CDH13: variants seen among roughly 807,000 people sequenced by gnomAD.
The protein encoded by CDH13 is cadherin 13, also known as cadherin-13.
Under a neutral mutation model 63.8 loss-of-function variants are expected in CDH13, and 24 were observed. The observed-to-expected ratio is 0.38, with a 90% confidence interval of 0.27 to 0.53. The LOEUF is 0.53. CDH13 is among the 20% of genes least tolerant of loss of function. The probability of loss-of-function intolerance (pLI) is 0.85; values close to 1 mark genes in which losing one functional copy is unlikely to be tolerated. For synonymous variants in CDH13, 503 were observed against 355.3 expected (o/e 1.42, Z -4.67); for missense variants, 1,049 against 903.1 (o/e 1.16, Z -2.07).
chr16:82,660,029 T>A (rs777156275), intron 1 of CDH13, among the ~76,000 whole-genome samples: 3 of 152,118 alleles, frequency 2.0e-5, no homozygotes, highest in Non-Finnish European at 2.9e-5. Context: ...AAAATGGAAA[T>A]GAGCTAATTT....
At chr16:83,271,529 C>CAA (rs369596889) in intron 5 of CDH13, among the ~76,000 whole-genome samples, 3 of 108,632 alleles carry the variant, frequency 2.8e-5, no homozygotes, top group African/African-American at 9.7e-5. Flanking sequence ...ACAACAACAA[C>CAA]AAAAAAAAAC....
intron 2 of CDH13, among the ~76,000 whole-genome samples, chr16:82,959,749 A>T (rs1358820309): frequency 2.6e-5 from 4 of 152,222 alleles, no homozygotes; most frequent in African/African-American, 9.6e-5. Context: ...TATATCTCCG[A>T]GTAGTACTGC....
intron 1 of CDH13, among the ~76,000 whole-genome samples, chr16:82,809,824 T>C (rs1311213765): frequency 6.6e-6 from 1 of 152,094 alleles, no homozygotes; most frequent in Admixed American, 6.5e-5. Context: ...TTAACAAAAA[T>C]AATTCTTTCT....
intron 7 of CDH13, among the ~76,000 whole-genome samples, chr16:83,527,468 A>G (rs1344376882): frequency 6.6e-6 from 1 of 152,170 alleles, no homozygotes; most frequent in Non-Finnish European, 1.5e-5. Context: ...AAAATTAAAA[A>G]TTAAGAATGG....
Position 82,742,808 on chromosome 16 carries a change from A to C in CDH13, c.46-115554A>C, listed in dbSNP as rs2033992623. On this transcript the variant is annotated intron_variant, in intron 1 of 13. Coordinates refer to ENST00000567109, the MANE Select transcript of CDH13 (RefSeq NM_001257.5). ...TATTTTAAAATAGAAACTATCCATC[A>C]TGTACTGAGTAAAGCTGGTGGCAAC... Among the ~76,000 whole-genome samples, 2 of 152,240 alleles carry C rather than the reference A, an allele frequency of 1.3e-5. 1 individual carries two copies. Among genetic ancestry groups the C allele is most frequent in the South Asian group, 4.1e-4 (2 of 4,836 alleles).
chr16:83,319,846 G>C (rs2090183708), intron 5 of CDH13, among the ~76,000 whole-genome samples: 2 of 152,170 alleles, frequency 1.3e-5, no homozygotes, highest in Admixed American at 6.5e-5. Flanking sequence ...GGGGATAAGT[G>C]AACAGCTCAC....
chr16:83,383,672 A>T (rs542048449), intron 6 of CDH13, among the ~76,000 whole-genome samples: 2 of 152,284 alleles, frequency 1.3e-5, no homozygotes, highest in Non-Finnish European at 2.9e-5. Flanking sequence ...TGCTGTGCTT[A>T]AATTGTGTCA....
chr16:83,406,696 C>G (rs1255482756), intron 6 of CDH13, among the ~76,000 whole-genome samples: 1 of 152,120 alleles, frequency 6.6e-6, no homozygotes, highest in Non-Finnish European at 1.5e-5. Flanking sequence ...GAACTCCTGA[C>G]CTCAGGTGAT....
At chr16:83,076,635 TCA>T (rs150845731) in intron 3 of CDH13, among the ~76,000 whole-genome samples, 83 of 149,840 alleles carry the variant, frequency 5.5e-4, no homozygotes, top group African/African-American at 1.7e-3. Context: ...AATATACACA[TCA>T]CACACACACA....
chr16:83,379,518 A>T lies in CDH13; in HGVS notation c.781+34512A>T, dbSNP rs1055777514. ...TTGGTGAGGTTGATCAACCAGTTAT[A>T]TATTTACCTAAGAGTTTGATCACTC... On this transcript the variant is annotated intron_variant, in intron 6 of 13. Transcript: ENST00000567109. 3.3e-5 allele frequency among the ~76,000 whole-genome samples: 5 copies of T among 152,204 alleles called. No individual in the cohort carries two copies. In the South Asian group the frequency reaches 1.0e-3, roughly 32 times the overall value.
intron 3 of CDH13, among the ~76,000 whole-genome samples, chr16:83,123,441 G>A (rs944425917): frequency 4.0e-5 from 6 of 151,844 alleles, no homozygotes; most frequent in East Asian, 3.9e-4. Flanking sequence ...CACCATGCCC[G>A]GCTAATTTTG....
intron 6 of CDH13, among the ~76,000 whole-genome samples, chr16:83,402,067 G>A (rs1160296966): frequency 6.6e-6 from 1 of 152,128 alleles, no homozygotes; most frequent in Admixed American, 6.5e-5. Flanking sequence ...ATACTTCCTT[G>A]TAGAGTACAT....
At chr16:82,849,270 A>C (rs1245241069) in intron 1 of CDH13, among the ~76,000 whole-genome samples, 1 of 152,108 alleles carries the variant, frequency 6.6e-6, no homozygotes, top group African/African-American at 2.4e-5. Context: ...TTCGGAGACC[A>C]AAGCAGGTGG....
chr16:82,729,597 C>A (rs1370707139), intron 1 of CDH13, among the ~76,000 whole-genome samples: 6 of 151,880 alleles, frequency 4.0e-5, no homozygotes, highest in Admixed American at 3.3e-4. Flanking sequence ...AGTAGCACTG[C>A]AAGAGTAATT....
intron 2 of CDH13, among the ~76,000 whole-genome samples, chr16:82,992,430 C>A (rs982167037): frequency 6.6e-6 from 1 of 152,162 alleles, no homozygotes; most frequent in Admixed American, 6.5e-5. Flanking sequence ...GCTAGAGTCT[C>A]TTATCAGTGA....
At chr16:83,407,393 C>A (rs1042401425) in intron 6 of CDH13, among the ~76,000 whole-genome samples, 1 of 152,326 alleles carries the variant, frequency 6.6e-6, no homozygotes, top group East Asian at 1.9e-4. Context: ...GCACCATCCT[C>A]ATATAAACAT....
chr16:83,363,708 C>A (rs954461183), intron 6 of CDH13, among the ~76,000 whole-genome samples: 8 of 152,166 alleles, frequency 5.3e-5, no homozygotes, highest in Non-Finnish European at 8.8e-5. Context: ...GCAGGATGTT[C>A]CGTCAGCCTG....
intron 6 of CDH13, among the ~76,000 whole-genome samples, chr16:83,453,935 G>A (rs1265698718): frequency 6.6e-6 from 1 of 152,202 alleles, no homozygotes; most frequent in Admixed American, 6.5e-5. Context: ...GCATCATGCT[G>A]TGCTCCTGCC....
chr16:83,498,088 G>T (rs2074189704), intron 7 of CDH13, among the ~76,000 whole-genome samples: 1 of 152,180 alleles, frequency 6.6e-6, no homozygotes, highest in Non-Finnish European at 1.5e-5. Context: ...AAACGAAAAA[G>T]TGCCATCTAG....
Sources: gnomAD v4.1 joint callset for allele counts (sites outside exome capture counted in the v4.1 genomes callset) on GRCh38, gnomAD v4.1.1 for gene constraint, MANE v1.5 for transcripts, NCBI Gene and HGNC (gene_info 2026-07-23, HGNC 2026-07-21) for gene names.